The following ICAM5 variants were observed in gnomAD, a reference collection of about 807,000 sequenced individuals.
ICAM5 encodes the protein ICAM-5.
A neutral mutation model predicts 78.8 loss-of-function variants in ICAM5; 38 were observed. The observed-to-expected ratio is 0.48, with a 90% CI of 0.37 to 0.63. The LOEUF (loss-of-function observed/expected upper bound fraction) is 0.63, where lower values mean the gene tolerates loss of function less well. Ranked by LOEUF, ICAM5 falls within the 30% of genes least tolerant of loss-of-function variation. The pLI is 0.00. For missense variants in ICAM5, 1,059 were observed against 1,303.0 expected, an observed-to-expected ratio of 0.81 and a Z score of 2.88; for synonymous variants, 544 against 590.9, an observed-to-expected ratio of 0.92 and a Z score of 1.15.
Position 10,293,907 on chromosome 19 carries a change from G to A in ICAM5, c.1675G>A (p.Gly559Ser), listed in dbSNP as rs2040198131. 6.2e-7 allele frequency: 1 copy of A among 1,611,530 alleles called. No homozygotes were observed. The change falls in exon 7 of 11, where the codon GGC (glycine) becomes AGC (serine). Residue 559 changes from glycine (G) to serine (S), a missense_variant. Gly to Ser is a moderately conservative substitution (Grantham distance 56, BLOSUM62 0). Around this residue, in one of 3 missense-constraint regions of ICAM5, gnomAD observed 815 missense variants for 952.8 expected, o/e 0.86. Transcript: ENST00000221980. The surrounding 1 kb of genome is among the most constrained non-coding windows in gnomAD (Gnocchi z 5.0). ...CCGCTGCGAAGCCACCAACCCTCGG[G>A]GCTCTGCGGCCAAAAATGTGGCCGT... ...TYRCEATNPR[G>S]SAAKNVAVTV...
intron 4 of ICAM5, 110 bp from the exon 5 acceptor site, chr19:10,292,502 C>T (rs1490051968): frequency 1.4e-6 from 2 of 1,436,810 alleles, no homozygotes; most frequent in East Asian, 2.3e-5. Context: ...GGCGGGGCGC[C>T]GTACCCTAGT....
In ICAM5 at chr19:10,291,643, C is replaced by T. The variant is rs550627359; in HGVS notation, c.507C>T (p.Phe169=). The T allele has an allele frequency of 5.0e-6, 8 of 1,611,718 alleles. No homozygotes were observed. The African/African-American group carries it at 6.7e-5, about 13-fold the overall frequency. The change falls in exon 3 of 11, where the codon TTC becomes TTT. Residue 169 remains phenylalanine, a synonymous_variant. Transcript: ENST00000221980. ...CCCAGGAGCTGATCCGCCGCAGCTT[C>T]GCCGGTGAACCACCCCGAGCGCGGG... is the stretch of plus-strand genomic sequence containing the variant. The part of the protein sequence containing the change: ...RGAQELIRRS[F]AGEPPRARGA...
At chr19:10,295,698 C>T (rs2145032108) in intron 10 of ICAM5, 86 bp downstream of exon 10, 2 of 1,395,016 alleles carry the variant, frequency 1.4e-6, no homozygotes, top group Admixed American at 4.8e-5. Flanking sequence ...CGCCTGCCTC[C>T]CTCTCGGTCC....
Position 10,296,737 on chromosome 19 carries a change from C to G in ICAM5, c.*121C>G, listed in dbSNP as rs921425418. On this transcript the variant is annotated 3_prime_UTR_variant, in exon 11 of 11. Coordinates refer to ENST00000221980, the MANE Select transcript of ICAM5 (RefSeq NM_003259.4). ...GTATTCAACTCCAAGGGCGTCACCC[C>G]CATTTTCTACCCATCCCCTCAATAA... 2 of 834,358 alleles carry G rather than the reference C, an allele frequency of 2.4e-6. No individual in the cohort carries two copies. The highest frequency in any genetic ancestry group is 3.6e-5 in the African/African-American group (2 of 55,160). The allele number at this position is 834,358 out of a possible 1,614,324, so 51.7% of individuals were successfully genotyped here.
At position 10,294,971 on chromosome 19, in the gene ICAM5, C is replaced by T. The variant is rs529864146; in HGVS notation, c.2230+331C>T. The stretch of plus-strand genomic sequence containing the variant: ...ACTTGGGAGGCTGAGGCAGGAGAAT[C>T]GCTTGAGCCTGGGAGGCAGAGGTTG... On this transcript the variant is annotated intron_variant, in intron 9 of 10. Transcript: ENST00000221980. The surrounding 1 kb of genome is among the most constrained non-coding windows in gnomAD (Gnocchi z 7.7). 6.6e-6 allele frequency among the ~76,000 whole-genome samples: 1 copy of T among 152,242 alleles called. No homozygotes were observed. The highest frequency in any genetic ancestry group is 1.9e-4 in the East Asian group (1 of 5,178).
At position 10,293,334 on chromosome 19, in the gene ICAM5, A is replaced by C. The variant is rs2040192168; in HGVS notation, c.1465+88A>C. On this transcript the variant is annotated intron_variant, in intron 6 of 10. Transcript: ENST00000221980. This position sits in a 1 kb window ranked among gnomAD's most constrained non-coding sequence, Gnocchi z 5.0. ...CAGGGAAGAGTAGGAGTAGGGTATGAGGTGTCCCTTTGGGTGAGGTTTTGG... is the reference window on the plus strand; with the variant it reads ...CAGGGAAGAGTAGGAGTAGGGTATGCGGTGTCCCTTTGGGTGAGGTTTTGG... The C allele has an allele frequency of 1.4e-6, 2 of 1,479,860 alleles. No individual in the cohort carries two copies. The highest frequency in any genetic ancestry group is 1.8e-6 in the Non-Finnish European group (2 of 1,103,678). The allele number at this position is 1,479,860 out of a possible 1,614,324, so 91.7% of individuals were successfully genotyped here.
rs2040189649 is a variant in ICAM5 at position 10,293,107 on chromosome 19, C to T, written c.1326C>T (p.His442=). ...EARGNPEPSV[H]CARSDGGAVL... ...GCGGGAACCCAGAACCCTCAGTGCA[C>T]TGTGCGCGCTCCGACGGCGGGGCCG... is the stretch of plus-strand genomic sequence containing the variant. Residue 442 remains histidine, a synonymous_variant, in exon 6 of 11, where the codon CAC becomes CAT. Transcript: ENST00000221980. This position sits in a 1 kb window ranked among gnomAD's most constrained non-coding sequence, Gnocchi z 5.0. The T allele has an allele frequency of 6.2e-7, 1 of 1,609,970 alleles. No homozygotes were observed.
In ICAM5 at chr19:10,296,650, C is replaced by A. The variant is rs2040223424; in HGVS notation, c.*34C>A. ...CCCTCTCCCCGCGGGCCGGGGGACG[C>A]CCCCCAGACTCACACGGGGGCTTAT... On this transcript the variant is annotated 3_prime_UTR_variant, in exon 11 of 11. Coordinates refer to ENST00000221980, the MANE Select transcript of ICAM5 (RefSeq NM_003259.4). 6 of 1,204,260 alleles carry A rather than the reference C, an allele frequency of 5.0e-6. No homozygotes were observed. Among genetic ancestry groups the A allele is most frequent in the South Asian group, 8.3e-5 (2 of 24,090 alleles). 74.6% of individuals were successfully genotyped at this position (1,204,260 alleles called of 1,614,324 possible).
Position 10,294,180 on chromosome 19 carries a change from G to T in ICAM5, c.1852G>T (p.Val618Leu). The T allele has an allele frequency of 1.2e-6, 2 of 1,613,774 alleles. No homozygotes were observed. The highest frequency in any genetic ancestry group is 2.2e-5 in the East Asian group (1 of 44,884). Reference protein sequence around the residue: ...CVGSGGATEGVLLPLAPPDPS... With the variant: ...CVGSGGATEGLLLPLAPPDPS... ...GGGCTCCGGGGGCGCCACTGAGGGGGTGCTGCTGCCGCTGGCACCCCCAGA... is the reference window on the plus strand; with the variant it reads ...GGGCTCCGGGGGCGCCACTGAGGGGTTGCTGCTGCCGCTGGCACCCCCAGA... Residue 618 changes from valine (V) to leucine (L), a missense_variant, in exon 8 of 11, where the codon GTG becomes TTG. Transcript: ENST00000221980. The surrounding 1 kb of genome is among the most constrained non-coding windows in gnomAD (Gnocchi z 7.7).
In ICAM5 at chr19:10,291,697, T is replaced by C; in HGVS notation, c.561T>C (p.Ala187=). The C allele has an allele frequency of 6.2e-7, 1 of 1,612,566 alleles. No individual in the cohort carries two copies. Among genetic ancestry groups the C allele is most frequent in the East Asian group, 2.2e-5 (1 of 44,858 alleles). Residue 187 remains alanine (A), a synonymous_variant, in exon 3 of 11, where the codon GCT becomes GCC. Transcript: ENST00000221980. ...RGAVLTATVL[A]RREDHGANFS... ...CGGTGCTCACAGCCACGGTACTGGC[T>C]CGGAGGGAGGACCATGGAGCCAATT... is the stretch of plus-strand genomic sequence containing the variant.
At position 10,293,740 on chromosome 19, in the gene ICAM5, C is replaced by A. The variant is rs1052667533; in HGVS notation, c.1508C>A (p.Thr503Asn). ...AGCGTGGGCTGCCCAGAACGCATTA[C>A]TTGGCTGGAGGGAACAGAAGCCTCG... The part of the protein sequence containing the change: ...LDSVGCPERI[T>N]WLEGTEASLS... Residue 503 changes from threonine (T) to asparagine (N), a missense_variant, in exon 7 of 11, where the codon ACT becomes AAT. This residue lies in a region of ICAM5 where 815 missense variants were observed against 952.8 expected (regional missense o/e 0.86). Transcript: ENST00000221980. This position sits in a 1 kb window ranked among gnomAD's most constrained non-coding sequence, Gnocchi z 5.0. 6.2e-7 allele frequency: 1 copy of A among 1,613,870 alleles called. No individual in the cohort carries two copies. The highest frequency in any genetic ancestry group is 1.3e-5 in the African/African-American group (1 of 74,938).
Position 10,296,577 on chromosome 19 carries a change from G to T in ICAM5, c.2736G>T (p.Ala912=), listed in dbSNP as rs897345596. ...EAAGGAAESP[A]EGEVFAIQLT... is the part of the protein sequence containing the mutation. ...CGGGGGGCGCGGCCGAGTCGCCGGC[G>T]GAGGGCGAGGTCTTCGCCATACAGC... Residue 912 remains alanine, a synonymous_variant, in exon 11 of 11, where the codon GCG becomes GCT. Coordinates refer to ENST00000221980, the MANE Select transcript of ICAM5 (RefSeq NM_003259.4). 8.2e-6 allele frequency: 10 copies of T among 1,218,046 alleles called. No homozygotes were observed. Among genetic ancestry groups the T allele is most frequent in the Non-Finnish European group, 1.0e-5 (10 of 972,496 alleles). The allele number at this position is 1,218,046 out of a possible 1,614,324, so 75.5% of individuals were successfully genotyped here. A position where few individuals can be genotyped will look rare whatever the true frequency, so the allele number is the denominator to read the frequency against.
Position 10,293,385 on chromosome 19 carries a change from GTTGGAGAAAGATC to G in ICAM5, c.1465+146_1465+158del. Reference sequence around the variant, plus strand: ...GAAAGGGAAGAGGCTGGTTAGTGGGGTTGGAGAAAGATCTTGGAGGATGGAAGGGACCGGGTGG... The same window carrying G: ...GAAAGGGAAGAGGCTGGTTAGTGGGGTTGGAGGATGGAAGGGACCGGGTGG... On this transcript the variant is annotated intron_variant, in intron 6 of 10. Coordinates refer to ENST00000221980, the MANE Select transcript of ICAM5 (RefSeq NM_003259.4). The surrounding 1 kb of genome is among the most constrained non-coding windows in gnomAD (Gnocchi z 5.0). 8.2e-7 allele frequency: 1 copy of G among 1,215,352 alleles called. No homozygotes were observed. Among genetic ancestry groups the G allele is most frequent in the East Asian group, 2.5e-5 (1 of 40,048 alleles). 75.3% of individuals were successfully genotyped at this position (1,215,352 alleles called of 1,614,324 possible). A position where few individuals can be genotyped will look rare whatever the true frequency, so the allele number is the denominator to read the frequency against.
chr19:10,295,377 G>A lies in ICAM5; in HGVS notation c.2262G>A (p.Ser754=), dbSNP rs1311745280. 9 of 1,579,890 alleles carry A rather than the reference G, an allele frequency of 5.7e-6. No individual in the cohort carries two copies. Among genetic ancestry groups the A allele is most frequent in the Non-Finnish European group, 7.7e-6 (9 of 1,166,118 alleles). ...YRPVVAELAA[S]PPGGVRPGGN... ...CAGTGGTGGCCGAACTTGCTGCCTCGCCCCCTGGAGGCGTGCGCCCAGGAG... is the reference window on the plus strand; with the variant it reads ...CAGTGGTGGCCGAACTTGCTGCCTCACCCCCTGGAGGCGTGCGCCCAGGAG... The change falls in exon 10 of 11, where the codon TCG becomes TCA. Residue 754 remains serine, a synonymous_variant. Coordinates refer to ENST00000221980, the MANE Select transcript of ICAM5 (RefSeq NM_003259.4).
Position 10,296,419 on chromosome 19 carries a change from G to A in ICAM5, c.2578G>A (p.Val860Met). The A allele has an allele frequency of 7.7e-6, 10 of 1,305,992 alleles. No homozygotes were observed. Among genetic ancestry groups the A allele is most frequent in the Non-Finnish European group, 9.8e-6 (10 of 1,017,538 alleles). The allele number at this position is 1,305,992 out of a possible 1,614,324, so 80.9% of individuals were successfully genotyped here. A position where few individuals can be genotyped will look rare whatever the true frequency, so the allele number is the denominator to read the frequency against. Reference protein sequence around the residue: ...LAAGAGLAFYVQSTACKKGEY... With the variant: ...LAAGAGLAFYMQSTACKKGEY... ...CGCGGGGGCCGGCCTGGCCTTCTAC[G>A]TGCAGTCCACCGCCTGCAAGAAGGG... The change falls in exon 11 of 11, where the codon GTG (valine) becomes ATG (methionine). Residue 860 changes from valine to methionine, a missense_variant. By Grantham distance (21) the Val-to-Met change is conservative. Around this residue, in one of 3 missense-constraint regions of ICAM5, gnomAD observed 109 missense variants for 120.0 expected, o/e 0.91. Transcript: ENST00000221980.
chr19:10,290,434 A>C lies in ICAM5; in HGVS notation c.82+309A>C. The C allele has an allele frequency of 3.0e-6, 1 of 329,502 alleles. No individual in the cohort carries two copies. The highest frequency in any genetic ancestry group is 5.6e-6 in the Non-Finnish European group (1 of 179,820). 20.4% of individuals were successfully genotyped at this position (329,502 alleles called of 1,614,324 possible). On this transcript the variant is annotated intron_variant, in intron 1 of 10. Coordinates refer to ENST00000221980, the MANE Select transcript of ICAM5 (RefSeq NM_003259.4). This position sits in a 1 kb window ranked among gnomAD's most constrained non-coding sequence, Gnocchi z 5.7. ...ACCTCCTTACGCTGTGCTGTGCACC[A>C]TGGTCCACGGACTGGCATCTTCCCC...
chr19:10,292,959 T>C, intron 5 of ICAM5, 39 bp from the exon 6 acceptor site: 1 of 1,609,214 alleles, frequency 6.2e-7, no homozygotes, highest in Non-Finnish European at 8.5e-7. Flanking sequence ...GAGCCATTTC[T>C]TACGTCTAAG....
rs763432638 is a variant in ICAM5, at chr19:10,291,673, G to A, written c.537G>A (p.Ala179=). The A allele has an allele frequency of 6.2e-7, 1 of 1,612,334 alleles. No homozygotes were observed. Among genetic ancestry groups the A allele is most frequent in the African/African-American group, 1.3e-5 (1 of 74,930 alleles). Residue 179 remains alanine (A), a synonymous_variant, in exon 3 of 11, where the codon GCG becomes GCA. Coordinates refer to ENST00000221980, the MANE Select transcript of ICAM5 (RefSeq NM_003259.4). ...GTGAACCACCCCGAGCGCGGGGCGC[G>A]GTGCTCACAGCCACGGTACTGGCTC... ...FAGEPPRARG[A]VLTATVLARR... is the part of the protein sequence containing the mutation.
rs1469824279 is a variant in ICAM5 at position 10,292,298 on chromosome 19, A to G, written c.937A>G (p.Thr313Ala). 1 of 1,607,490 alleles carries G rather than the reference A, an allele frequency of 6.2e-7. No individual in the cohort carries two copies. Among genetic ancestry groups the G allele is most frequent in the South Asian group, 1.1e-5 (1 of 90,694 alleles). The change falls in exon 4 of 11, where the codon ACC becomes GCC. Residue 313 changes from threonine (T) to alanine (A), a missense_variant. Physicochemically the swap from Thr to Ala is moderately conservative, Grantham distance 58. Coordinates refer to ENST00000221980, the MANE Select transcript of ICAM5 (RefSeq NM_003259.4). Reference sequence around the variant, plus strand: ...CACCCTGGGGGGCGAAAACCGGGAGACCCGGGAGAACGTGACCATCTACAG... The same window carrying G: ...CACCCTGGGGGGCGAAAACCGGGAGGCCCGGGAGAACGTGACCATCTACAG... Reference protein sequence around the residue: ...NVTLGGENRETRENVTIYSFP... With the variant: ...NVTLGGENREARENVTIYSFP...
Sources: gnomAD v4.1 joint callset for allele counts (sites outside exome capture counted in the v4.1 genomes callset) on GRCh38, gnomAD v4.1.1 for gene constraint, gnomAD v4.1.1 regional missense constraint, Gnocchi (gnomAD v3.1) non-coding constraint, MANE v1.5 for transcripts, NCBI Gene and HGNC (gene_info 2026-07-23, HGNC 2026-07-21) for gene names.